Variants in DENND1A observed in about 807,000 individuals in gnomAD.
The protein encoded by DENND1A is DENN domain containing 1A, also known as DENN domain-containing protein 1A.
In DENND1A, 51 loss-of-function variants were observed where a neutral mutation model predicts 113.7. The observed-to-expected ratio is 0.45, with a 90% CI of 0.36 to 0.57. DENND1A has a LOEUF of 0.57. Ranked by LOEUF, DENND1A falls within the 20% of genes least tolerant of loss-of-function variation. The probability of loss-of-function intolerance (pLI) is 0.00; values close to 1 mark genes in which losing one functional copy is unlikely to be tolerated. For synonymous variants in DENND1A, 565 were observed against 570.8 expected (o/e 0.99, Z 0.14); for missense variants, 1,258 against 1,395.9 (o/e 0.90, Z 1.57).
intron 6 of DENND1A, among the ~76,000 whole-genome samples, chr9:123,675,774 G>A (rs2064041251): frequency 6.6e-6 from 1 of 152,168 alleles, no homozygotes; most frequent in Non-Finnish European, 1.5e-5. Context: ...TGCTGGTAAA[G>A]GGTATCCTTT....
At chr9:123,402,899 G>A (rs553056883) in intron 21 of DENND1A, among the ~76,000 whole-genome samples, 14 of 152,188 alleles carry the variant, frequency 9.2e-5, no homozygotes, top group Admixed American at 3.3e-4. Context: ...AGGGAGCTCC[G>A]CGTCTCAGGG....
chr9:123,482,299 T>C (rs1027859614), intron 13 of DENND1A, among the ~76,000 whole-genome samples: 8 of 152,364 alleles, frequency 5.3e-5, no homozygotes, highest in Admixed American at 2.0e-4. Flanking sequence ...GGTTTTGTGA[T>C]GTTGGCCAGG....
In DENND1A at chr9:123,929,872, G is replaced by C. The variant is rs1370708022; in HGVS notation, c.17+17C>G. 2 of 265,228 alleles carry C rather than the reference G, an allele frequency of 7.5e-6. No homozygotes were observed. Among genetic ancestry groups the C allele is most frequent in the Non-Finnish European group, 7.0e-6 (1 of 143,748 alleles). 16.4% of individuals were successfully genotyped at this position (265,228 alleles called of 1,614,324 possible). A position where few individuals can be genotyped will look rare whatever the true frequency, so the allele number is the denominator to read the frequency against. On this transcript the variant is annotated intron_variant, in intron 1 of 23. Transcript: ENST00000394215. ...CCCCGCGCCCGGCCCGGCTCCGCCC[G>C]GCCCGGCCGCACTCACTTGATCCTG... is the stretch of plus-strand genomic sequence containing the variant.
rs149866689 is a variant in DENND1A, at chr9:123,388,158, T to G, written c.1632-300A>C. Among the ~76,000 whole-genome samples, 1,225 of 152,372 alleles carry G rather than the reference T, an allele frequency of 8.0e-3. 5 individuals carry two copies. The highest frequency in any genetic ancestry group is 0.014 in the Non-Finnish European group (925 of 68,030). ...CTGGAAGATTGTCATCACTGCTGTT[T>G]ATAATATTAAAACATGGAACAACCT... On this transcript the variant is annotated intron_variant, in intron 21 of 23. Coordinates refer to ENST00000394215, the MANE Select transcript of DENND1A (RefSeq NM_001352964.2).
intron 1 of DENND1A, among the ~76,000 whole-genome samples, chr9:123,927,152 C>CA (rs1468830682): frequency 6.6e-6 from 1 of 152,178 alleles, no homozygotes; most frequent in African/African-American, 2.4e-5. Flanking sequence ...CGGTACCTGA[C>CA]AGAGATTGTG....
At chr9:123,392,797 T>C (rs992149568) in intron 21 of DENND1A, among the ~76,000 whole-genome samples, 6 of 152,170 alleles carry the variant, frequency 3.9e-5, no homozygotes, top group African/African-American at 1.4e-4. Context: ...TTGTAATCTT[T>C]TATCCCTCAC....
intron 5 of DENND1A, chr9:123,751,721 T>G (rs1234024405): frequency 2.0e-5 from 3 of 152,240 alleles, no homozygotes; most frequent in African/African-American, 7.2e-5. Context: ...CATCCTTTCA[T>G]CTTGCTATAC....
intron 12 of DENND1A, among the ~76,000 whole-genome samples, chr9:123,563,038 T>G (rs186811346): frequency 1.3e-5 from 2 of 152,176 alleles, no homozygotes; most frequent in African/African-American, 4.8e-5. Flanking sequence ...TAGGATCACA[T>G]TCTTTAGTGA....
intron 8 of DENND1A, among the ~76,000 whole-genome samples, chr9:123,654,196 C>T (rs1472003944): frequency 6.6e-6 from 1 of 152,266 alleles, no homozygotes; most frequent in African/African-American, 2.4e-5. Flanking sequence ...GCTCTCCTCA[C>T]AAACAAAAAT....
chr9:123,631,658 G>A (rs1467711191), intron 9 of DENND1A, among the ~76,000 whole-genome samples: 1 of 152,178 alleles, frequency 6.6e-6, no homozygotes. Context: ...ACTGAGGTGA[G>A]AATTTATTTT....
In DENND1A at chr9:123,601,456, G is replaced by A. The variant is rs556696562; in HGVS notation, c.765+7980C>T. Among the ~76,000 whole-genome samples the A allele has an allele frequency of 7.9e-5, 12 of 152,294 alleles. No individual in the cohort carries two copies. In the South Asian group the frequency reaches 1.9e-3, roughly 24 times the overall value. ...ATCCACTCAATCCAGGGCCTTCCTC[G>A]AGGCCTAAGGTGAGCAGAGCCTGCT... On this transcript the variant is annotated intron_variant, in intron 11 of 23. Coordinates refer to ENST00000394215, the MANE Select transcript of DENND1A (RefSeq NM_001352964.2).
At chr9:123,538,678 TA>T (rs1220368252) in intron 13 of DENND1A, among the ~76,000 whole-genome samples, 4 of 148,708 alleles carry the variant, frequency 2.7e-5, no homozygotes, top group Non-Finnish European at 4.5e-5. Flanking sequence ...AGTAATTAAA[TA>T]AAAAATGACA....
At chr9:123,541,056 G>A (rs532606609) in intron 13 of DENND1A, among the ~76,000 whole-genome samples, 135 of 152,134 alleles carry the variant, frequency 8.9e-4, no homozygotes, top group Non-Finnish European at 1.5e-3. Flanking sequence ...ATTATATGTT[G>A]ATTTTCATCT....
chr9:123,756,323 C>T (rs1251181241), intron 5 of DENND1A, among the ~76,000 whole-genome samples: 1 of 152,078 alleles, frequency 6.6e-6, no homozygotes, highest in Non-Finnish European at 1.5e-5. Flanking sequence ...TATGCAGTGG[C>T]CTGGCCAGGG....
At chr9:123,739,242 G>A (rs1418549369) in intron 5 of DENND1A, among the ~76,000 whole-genome samples, 1 of 152,152 alleles carries the variant, frequency 6.6e-6, no homozygotes, top group Non-Finnish European at 1.5e-5. Context: ...AGACACTGGA[G>A]CAGGCAGTGC....
intron 5 of DENND1A, among the ~76,000 whole-genome samples, chr9:123,690,004 A>T (rs1333690918): frequency 7.0e-6 from 1 of 143,822 alleles, no homozygotes; most frequent in Non-Finnish European, 1.5e-5. Flanking sequence ...AGAAAAGGGA[A>T]AGGGAAAGGA....
intron 13 of DENND1A, among the ~76,000 whole-genome samples, chr9:123,525,081 CTTGATAGATAAGAAT>C (rs1453989409): frequency 1.3e-5 from 2 of 152,202 alleles, no homozygotes; most frequent in African/African-American, 4.8e-5. Context: ...AGTCACTCTA[CTTGATAGATAAGAAT>C]GCTGAGGCTC....
chr9:123,731,455 G>A (rs1589845478), intron 5 of DENND1A, among the ~76,000 whole-genome samples: 1 of 152,200 alleles, frequency 6.6e-6, no homozygotes, highest in South Asian at 2.1e-4. Flanking sequence ...TGACTCAATC[G>A]AGAAAAGATG....
chr9:123,848,061 T>C (rs1438934812), intron 2 of DENND1A, among the ~76,000 whole-genome samples: 1 of 151,766 alleles, frequency 6.6e-6, no homozygotes, highest in African/African-American at 2.4e-5. Context: ...ATAAAAACCA[T>C]ATAAACAAGG....
Sources: allele counts gnomAD v4.1 joint callset (sites outside exome capture counted in the v4.1 genomes callset), GRCh38; gene constraint gnomAD v4.1.1; transcripts MANE v1.5; gene names NCBI Gene and HGNC (gene_info 2026-07-23, HGNC 2026-07-21).